The following NEDD4 variants were observed in gnomAD, a reference collection of about 807,000 sequenced individuals.
NEDD4 encodes the protein NEDD4 E3 ubiquitin protein ligase.
NEDD4 carries 99 observed loss-of-function variants against 144.9 expected under a neutral mutation model. The ratio of observed to expected loss-of-function variants is 0.68; its 90% CI spans 0.58 to 0.81. The LOEUF (loss-of-function observed/expected upper bound fraction) is 0.81. NEDD4 is among the 30% of genes least tolerant of loss of function. The pLI, the probability that NEDD4 is intolerant of heterozygous loss-of-function variation, is 0.00. For missense variants in NEDD4, 985 were observed against 1,065.9 expected, an observed-to-expected ratio of 0.92 and a Z score of 1.06; for synonymous variants, 318 against 350.6, an observed-to-expected ratio of 0.91 and a Z score of 1.04.
chr15:55,866,812 A>G (rs935525410), intron 8 of NEDD4, among the ~76,000 whole-genome samples: 4 of 152,224 alleles, frequency 2.6e-5, no homozygotes, highest in Admixed American at 2.6e-4. Context: ...CGGCTTAGAA[A>G]GACTGGATAC....
chr15:55,953,696 C>T lies in NEDD4; in HGVS notation c.120-2107G>A, dbSNP rs142047126. 2.8e-4 allele frequency among the ~76,000 whole-genome samples: 43 copies of T among 151,892 alleles called. 1 individual carries two copies. In the East Asian group the frequency reaches 8.4e-3, roughly 30 times the overall value. On this transcript the variant is annotated intron_variant, in intron 2 of 28. Transcript: ENST00000435532. The stretch of plus-strand genomic sequence containing the variant: ...ACCTCAGGTGATCTGCCCGCCTTGG[C>T]CTCACAAAGTGCTGGGATTACAGGC...
In NEDD4 at chr15:55,860,663, C is replaced by T. The variant is rs140440361; in HGVS notation, c.790G>A (p.Glu264Lys). Residue 264 changes from glutamate to lysine, a missense_variant and splice_region_variant, in exon 10 of 29, where the codon GAG (glutamate) becomes AAG (lysine). Coordinates refer to ENST00000435532, the MANE Select transcript of NEDD4 (RefSeq NM_006154.4). ...GAGAACTAGGAAACTACTTATACCT[C>T]GGAAGACTCTCGGTTGTCAACACTT... ...TESVDNRESS[E>K]NWEIIREDEA... The T allele has an allele frequency of 2.3e-5, 37 of 1,613,938 alleles. No individual in the cohort carries two copies. The highest frequency in any genetic ancestry group is 6.7e-5 in the Admixed American group (4 of 59,984).
intron 4 of NEDD4, among the ~76,000 whole-genome samples, chr15:55,929,796 T>G (rs906111709): frequency 1.1e-4 from 16 of 152,018 alleles, no homozygotes; most frequent in African/African-American, 3.6e-4. Flanking sequence ...AAGAGATAAT[T>G]TAGGAAACAA....
At chr15:55,904,529 C>T (rs562500612) in intron 5 of NEDD4, among the ~76,000 whole-genome samples, 1 of 152,198 alleles carries the variant, frequency 6.6e-6, no homozygotes, top group East Asian at 2.0e-4. Flanking sequence ...TCTCAAAGTC[C>T]TGACCTCAAG....
chr15:55,980,376 C>G (rs1376080306), intron 1 of NEDD4, among the ~76,000 whole-genome samples: 1 of 152,126 alleles, frequency 6.6e-6, no homozygotes, highest in Non-Finnish European at 1.5e-5. Flanking sequence ...GGTCTGAGAA[C>G]AGCGGCTGCT....
intron 6 of NEDD4, 127 bp from the exon 7 acceptor site, chr15:55,872,603 G>A (rs1163856299): frequency 5.4e-6 from 2 of 368,682 alleles, no homozygotes; most frequent in Admixed American, 4.8e-5. Flanking sequence ...AGTAGCTTTA[G>A]TTTATCAAAT....
intron 2 of NEDD4, among the ~76,000 whole-genome samples, chr15:55,966,173 T>C (rs544407794): frequency 3.3e-5 from 5 of 152,328 alleles, no homozygotes; most frequent in Admixed American, 2.0e-4. Flanking sequence ...TTGTATTAAG[T>C]CCAGAGTTTA....
At chr15:55,856,795 G>T (rs1171126306) in intron 11 of NEDD4, among the ~76,000 whole-genome samples, 1 of 152,148 alleles carries the variant, frequency 6.6e-6, no homozygotes, top group African/African-American at 2.4e-5. Context: ...GAAATCTCAT[G>T]TTCTTTCTTT....
At chr15:55,833,487 G>A (rs1274160285) in intron 26 of NEDD4, among the ~76,000 whole-genome samples, 1 of 151,876 alleles carries the variant, frequency 6.6e-6, no homozygotes, top group Non-Finnish European at 1.5e-5. Flanking sequence ...GTGAAACCCC[G>A]TCTCTACTAA....
In NEDD4 at chr15:55,947,817, T is replaced by C. The variant is rs7177992; in HGVS notation, c.237+3559A>G. 9.1e-3 allele frequency among the ~76,000 whole-genome samples: 1,390 copies of C among 152,256 alleles called. 10 individuals are homozygous for C. Among genetic ancestry groups the C allele is most frequent in the African/African-American group, 0.029 (1,223 of 41,534 alleles). On this transcript the variant is annotated intron_variant, in intron 4 of 28. Coordinates refer to ENST00000435532, the MANE Select transcript of NEDD4 (RefSeq NM_006154.4). The stretch of plus-strand genomic sequence containing the variant: ...GGACGTATCTCAAAATAATAAGAGC[T>C]ATTTATGACAAACACATAGCCAATA...
In NEDD4 at chr15:55,951,594, TAAAAAAA is replaced by T; in HGVS notation, c.120-12_120-6del. The T allele has an allele frequency of 3.4e-6, 4 of 1,186,792 alleles. No individual in the cohort carries two copies. The South Asian group carries it at 5.9e-5, about 18-fold the overall frequency. The allele number at this position is 1,186,792 out of a possible 1,614,324, so 73.5% of individuals were successfully genotyped here. On this transcript the variant is annotated splice_region_variant and splice_polypyrimidine_tract_variant and intron_variant, in intron 2 of 28. Coordinates refer to ENST00000435532, the MANE Select transcript of NEDD4 (RefSeq NM_006154.4). The stretch of plus-strand genomic sequence containing the variant: ...GTCACTCTCACGTAAGGATCACTGT[TAAAAAAA>T]AAAAAAAAAAGAAAGAAAAATTTTA...
At chr15:55,981,107 C>T (rs536919785) in intron 1 of NEDD4, among the ~76,000 whole-genome samples, 6 of 150,118 alleles carry the variant, frequency 4.0e-5, no homozygotes, top group African/African-American at 7.3e-5. Flanking sequence ...GGTATGATCT[C>T]GGCTCACTGC....
chr15:55,878,812 T>G (rs2035082132), intron 5 of NEDD4, among the ~76,000 whole-genome samples: 1 of 152,150 alleles, frequency 6.6e-6, no homozygotes, highest in Admixed American at 6.6e-5. Context: ...AGAAAAGTGG[T>G]TTTTTTGTTT....
chr15:55,887,694 G>GGA (rs2142110156), intron 5 of NEDD4, among the ~76,000 whole-genome samples: 1 of 152,170 alleles, frequency 6.6e-6, no homozygotes, highest in East Asian at 1.9e-4. Flanking sequence ...GAAAACTACA[G>GGA]GGCCAAATTT....
chr15:55,848,645 G>T, intron 15 of NEDD4, 70 bp from the exon 16 acceptor site: 3 of 1,377,526 alleles, frequency 2.2e-6, no homozygotes, highest in South Asian at 1.2e-5. Flanking sequence ...AAATAGCACT[G>T]GTTGTATGGT....
intron 5 of NEDD4, among the ~76,000 whole-genome samples, chr15:55,878,144 T>C (rs1399303106): frequency 1.3e-5 from 2 of 152,080 alleles, no homozygotes; most frequent in Non-Finnish European, 2.9e-5. Flanking sequence ...TACAGATAAA[T>C]TGAAGATAAA....
intron 5 of NEDD4, among the ~76,000 whole-genome samples, chr15:55,906,574 C>G (rs1298070039): frequency 6.7e-6 from 1 of 149,132 alleles, no homozygotes; most frequent in East Asian, 2.0e-4. Context: ...TAGGTGGGAA[C>G]TGAACAATGA....
At chr15:55,920,976 T>C (rs547695820) in intron 5 of NEDD4, among the ~76,000 whole-genome samples, 3 of 152,290 alleles carry the variant, frequency 2.0e-5, no homozygotes, top group South Asian at 2.1e-4. Flanking sequence ...TTCCCACTCA[T>C]AGAAGAGCAT....
chr15:55,872,307 G>A, intron 7 of NEDD4, 108 bp downstream of exon 7: 1 of 324,292 alleles, frequency 3.1e-6, no homozygotes, highest in Non-Finnish European at 5.8e-6. Flanking sequence ...ATATTTAGAA[G>A]TAACTTATTT....
Sources: gnomAD v4.1 joint callset for allele counts (sites outside exome capture counted in the v4.1 genomes callset) on GRCh38, gnomAD v4.1.1 for gene constraint, MANE v1.5 for transcripts, NCBI Gene and HGNC (gene_info 2026-07-23, HGNC 2026-07-21) for gene names.